Variants in RAB33B observed in about 807,000 individuals in gnomAD.
The protein encoded by RAB33B is ras-related protein Rab-33B.
In RAB33B, 6 loss-of-function variants were observed where a neutral mutation model predicts 15.0. That is an observed-to-expected ratio of 0.40 (90% CI 0.22 to 0.79). The LOEUF (loss-of-function observed/expected upper bound fraction) is 0.79, where lower values mean the gene tolerates loss of function less well. RAB33B is among the 30% of genes least tolerant of loss of function. RAB33B has a pLI of 0.37. For synonymous variants in RAB33B, 117 were observed against 108.3 expected, an observed-to-expected ratio of 1.08 and a Z score of -0.50; for missense variants, 257 against 296.4, an observed-to-expected ratio of 0.87 and a Z score of 0.98.
In RAB33B at chr4:139,458,825, G is replaced by A. The variant is rs183506808; in HGVS notation, c.249+4381G>A. 1.6e-4 allele frequency among the ~76,000 whole-genome samples: 25 copies of A among 152,222 alleles called. 1 individual carries two copies. The East Asian group carries it at 1.9e-3, about 12-fold the overall frequency. On this transcript the variant is annotated intron_variant, in intron 1 of 1. Coordinates refer to ENST00000305626, the MANE Select transcript of RAB33B (RefSeq NM_031296.3). ...ATAATTCTGTTTTTAGCTCTTTGAG[G>A]AATCACACCACTTTCCACAAGGGAT...
At chr4:139,447,697 C>T in the RAB33B span, among the ~76,000 whole-genome samples, 7 of 122,942 alleles carry the variant, frequency 5.7e-5, no homozygotes, top group African/African-American at 1.8e-4. Context: ...GACAGAGTCT[C>T]GCTCTGTCGC....
intron 1 of RAB33B, 98 bp downstream of exon 1, chr4:139,454,542 C>T (rs1371458742): frequency 2.6e-5 from 35 of 1,349,416 alleles, no homozygotes; most frequent in Non-Finnish European, 3.2e-5. Flanking sequence ...GTGTGCGCTC[C>T]ATTTTTTTCT....
At chr4:139,460,754 A>G (rs926031558) in intron 1 of RAB33B, among the ~76,000 whole-genome samples, 3 of 152,298 alleles carry the variant, frequency 2.0e-5, no homozygotes, top group Non-Finnish European at 4.4e-5. Flanking sequence ...ACTTTTGGGC[A>G]GTTTCTGGTC....
upstream of RAB33B, chr4:139,454,045 G>A (rs1750009055): frequency 4.4e-6 from 4 of 905,412 alleles, no homozygotes; most frequent in East Asian, 2.8e-5. Context: ...GGGCGGGAAG[G>A]TGCGCAGGCG....
chr4:139,445,185 G>A, the RAB33B span, among the ~76,000 whole-genome samples: 1 of 152,234 alleles, frequency 6.6e-6, no homozygotes, highest in Non-Finnish European at 1.5e-5. Flanking sequence ...CTTGGCAAAT[G>A]CCTTTTTCTC....
Position 139,472,872 on chromosome 4 carries a change from G to T in RAB33B, c.436G>T (p.Val146Phe), listed in dbSNP as rs1313401877. ...AGCCAATGATATACCACGGATTCTT[G>T]TTGGAAATAAATGTGACTTGAGAAG... ...LLANDIPRIL[V>F]GNKCDLRSAI... Residue 146 changes from valine (V) to phenylalanine (F), a missense_variant, in exon 2 of 2, where the codon GTT (valine) becomes TTT (phenylalanine). Physicochemically the swap from Val to Phe is conservative, Grantham distance 50. Transcript: ENST00000305626. The T allele has an allele frequency of 6.2e-7, 1 of 1,614,158 alleles. No homozygotes were observed. The highest frequency in any genetic ancestry group is 8.5e-7 in the Non-Finnish European group (1 of 1,180,030).
Position 139,464,386 on chromosome 4 carries a change from G to GTTTTTTTTTTTT in RAB33B, c.250-8285_250-8274dup, listed in dbSNP as rs372330119. 2.1e-4 allele frequency among the ~76,000 whole-genome samples: 21 copies of GTTTTTTTTTTTT among 101,780 alleles called. 3 individuals are homozygous for GTTTTTTTTTTTT. The highest frequency in any genetic ancestry group is 5.0e-4 in the Admixed American group (4 of 7,986). 66.8% of individuals were successfully genotyped at this position (101,780 alleles called of 152,430 possible). A position where few individuals can be genotyped will look rare whatever the true frequency, so the allele number is the denominator to read the frequency against. On this transcript the variant is annotated intron_variant, in intron 1 of 1. Coordinates refer to ENST00000305626, the MANE Select transcript of RAB33B (RefSeq NM_031296.3). ...CGGGATTGATGGGAAGAGGAATACT[G>GTTTTTTTTTTTT]TTTTTTTTTTTTTTTTTTTTTTTTT...
At chr4:139,454,033 C>T (rs886059076), upstream of RAB33B, 26 of 775,164 alleles carry the variant, frequency 3.4e-5, no homozygotes, top group African/African-American at 4.4e-4. Context: ...CGGGCAAGGG[C>T]GGGGCGGGAA....
intron 1 of RAB33B, among the ~76,000 whole-genome samples, chr4:139,467,961 GTT>G (rs35010426): frequency 4.3e-4 from 58 of 134,106 alleles, no homozygotes; most frequent in African/African-American, 7.2e-4. Context: ...CATTCTTTCT[GTT>G]TTTTTTTTTT....
At position 139,473,234 on chromosome 4, in the gene RAB33B, C is replaced by A; in HGVS notation, c.*108C>A. 1 of 986,490 alleles carries A rather than the reference C, an allele frequency of 1.0e-6. No homozygotes were observed. The highest frequency in any genetic ancestry group is 1.6e-5 in the African/African-American group (1 of 61,004). 61.1% of individuals were successfully genotyped at this position (986,490 alleles called of 1,614,324 possible). A position where few individuals can be genotyped will look rare whatever the true frequency, so the allele number is the denominator to read the frequency against. ...TCAACTATAATGGGTCATCTTGACACTTTGCTGTTTGTCATTGTCACGCTT... is the reference window on the plus strand; with the variant it reads ...TCAACTATAATGGGTCATCTTGACAATTTGCTGTTTGTCATTGTCACGCTT... On this transcript the variant is annotated 3_prime_UTR_variant, in exon 2 of 2. Transcript: ENST00000305626.
rs372330119 is a variant in RAB33B at position 139,464,386 on chromosome 4, GTTTTTTTTT to G, written c.250-8282_250-8274del. Among the ~76,000 whole-genome samples the G allele has an allele frequency of 5.3e-3, 537 of 101,784 alleles. 3 individuals are homozygous for G. Among genetic ancestry groups the G allele is most frequent in the African/African-American group, 0.017 (495 of 28,658 alleles). 66.8% of individuals were successfully genotyped at this position (101,784 alleles called of 152,430 possible). A position where few individuals can be genotyped will look rare whatever the true frequency, so the allele number is the denominator to read the frequency against. Reference sequence around the variant, plus strand: ...CGGGATTGATGGGAAGAGGAATACTGTTTTTTTTTTTTTTTTTTTTTTTTTTATACTTTA... The same window carrying G: ...CGGGATTGATGGGAAGAGGAATACTGTTTTTTTTTTTTTTTTTATACTTTA... On this transcript the variant is annotated intron_variant, in intron 1 of 1. Coordinates refer to ENST00000305626, the MANE Select transcript of RAB33B (RefSeq NM_031296.3).
rs1028103416 is a variant in RAB33B, at chr4:139,475,648, A to G, written c.*2522A>G. On this transcript the variant is annotated 3_prime_UTR_variant, in exon 2 of 2. Transcript: ENST00000305626. ...TTTTTAAAGAACAAATCACACATTT[A>G]AAAAATCTGTAGAATTTATTTTAAC... The G allele has an allele frequency of 1.4e-4, 21 of 152,106 alleles. No homozygotes were observed. Among genetic ancestry groups the G allele is most frequent in the African/African-American group, 4.6e-4 (19 of 41,460 alleles). 9.4% of individuals were successfully genotyped at this position (152,106 alleles called of 1,614,324 possible). A position where few individuals can be genotyped will look rare whatever the true frequency, so the allele number is the denominator to read the frequency against.
chr4:139,452,594 A>G (rs1018577181), upstream of RAB33B: 1 of 152,246 alleles, frequency 6.6e-6, no homozygotes, highest in Admixed American at 6.5e-5. Context: ...AACCTCACAG[A>G]TAAGTAATTA....
At chr4:139,471,664 C>T (rs1264274774) in intron 1 of RAB33B, among the ~76,000 whole-genome samples, 3 of 152,006 alleles carry the variant, frequency 2.0e-5, no homozygotes, top group Non-Finnish European at 2.9e-5. Flanking sequence ...GTCTTAAACT[C>T]CTGGGTTCAA....
At chr4:139,439,633 C>T in the RAB33B span, among the ~76,000 whole-genome samples, 1 of 152,314 alleles carries the variant, frequency 6.6e-6, no homozygotes, top group East Asian at 1.9e-4. Context: ...TCTCTCTCTT[C>T]TCCTTCTGTA....
chr4:139,466,488 CCTTGGATAG>C (rs1341851272), intron 1 of RAB33B, among the ~76,000 whole-genome samples: 1 of 152,030 alleles, frequency 6.6e-6, no homozygotes, highest in Non-Finnish European at 1.5e-5. Context: ...GCTCTAGTTC[CCTTGGATAG>C]CTTTTATATA....
intron 1 of RAB33B, among the ~76,000 whole-genome samples, chr4:139,456,125 T>C (rs1750063854): frequency 6.6e-6 from 1 of 152,212 alleles, no homozygotes; most frequent in Non-Finnish European, 1.5e-5. Flanking sequence ...ACCTGGTTCA[T>C]AGTTGGTGCC....
intron 1 of RAB33B, among the ~76,000 whole-genome samples, chr4:139,465,528 AC>A (rs1750266964): frequency 6.6e-6 from 1 of 152,166 alleles, no homozygotes; most frequent in African/African-American, 2.4e-5. Flanking sequence ...TTTAGGTCTA[AC>A]ATTTAAGTCT....
rs1417400886 is a variant in RAB33B, at chr4:139,475,641, C to T, written c.*2515C>T. ...TTACTAATTTTTAAAGAACAAATCA[C>T]ACATTTAAAAAATCTGTAGAATTTA... On this transcript the variant is annotated 3_prime_UTR_variant, in exon 2 of 2. Transcript: ENST00000305626. The T allele has an allele frequency of 6.6e-6, 1 of 151,958 alleles. No homozygotes were observed. Among genetic ancestry groups the T allele is most frequent in the Non-Finnish European group, 1.5e-5 (1 of 67,938 alleles). The allele number at this position is 151,958 out of a possible 1,614,324, so 9.4% of individuals were successfully genotyped here.
Sources: allele counts gnomAD v4.1 joint callset (sites outside exome capture counted in the v4.1 genomes callset), GRCh38; gene constraint gnomAD v4.1.1; transcripts MANE v1.5; gene names NCBI Gene and HGNC (gene_info 2026-07-23, HGNC 2026-07-21).